GDF1: variants seen among roughly 807,000 people sequenced by gnomAD.
The protein encoded by GDF1 is growth differentiation factor 1, also known as embryonic growth/differentiation factor 1.
GDF1 carries 8 observed loss-of-function variants against 7.4 expected under a neutral mutation model. The observed-to-expected ratio is 1.09, with a 90% CI of 0.64 to 1.96. The LOEUF is 1.96. GDF1 is among the 30% of genes most tolerant of loss of function. The pLI is 0.00. For missense variants in GDF1, 574 were observed against 551.5 expected, an observed-to-expected ratio of 1.04 and a Z score of -0.41; for synonymous variants, 311 against 276.7, an observed-to-expected ratio of 1.12 and a Z score of -1.23.
rs1288122892 is a variant in GDF1, at chr19:18,868,783, C to T, written c.933G>A (p.Gly311=). The change falls in exon 8 of 8, where the codon GGG becomes GGA. Residue 311 remains glycine, a synonymous_variant. Transcript: ENST00000247005. ...GCACAGCGTGGTTGAGCGCCGGCGG[C>T]CCCCCGGACCCCGACAGCGCGACGG... ...ALPVALSGSG[G]PPALNHAVLR... 4 of 1,459,362 alleles carry T rather than the reference C, an allele frequency of 2.7e-6. No homozygotes were observed. The highest frequency in any genetic ancestry group is 1.5e-5 in the African/African-American group (1 of 66,744). The allele number at this position is 1,459,362 out of a possible 1,614,324, so 90.4% of individuals were successfully genotyped here.
At chr19:18,879,063 C>T in intron 5 of GDF1, 24 bp from the exon 6 acceptor site, 1 of 1,610,830 alleles carries the variant, frequency 6.2e-7, no homozygotes. Flanking sequence ...GGGGAGGTGC[C>T]AGTGAGAAGA....
intron 2 of GDF1, among the ~76,000 whole-genome samples, chr19:18,887,308 C>A (rs936470920): frequency 2.0e-5 from 3 of 152,158 alleles, no homozygotes; most frequent in African/African-American, 7.2e-5. Flanking sequence ...ACAGGCAAAT[C>A]TACAGAGATA....
rs1184289020 is a variant in GDF1 at position 18,880,447 on chromosome 19, G to A, written c.-732-12C>T. 1 of 1,574,536 alleles carries A rather than the reference G, an allele frequency of 6.4e-7. No homozygotes were observed. On this transcript the variant is annotated splice_polypyrimidine_tract_variant and intron_variant, in intron 3 of 7. Coordinates refer to ENST00000247005, the MANE Select transcript of GDF1 (RefSeq NM_001492.6). Reference sequence around the variant, plus strand: ...CCACATTGTGGTACCTGGGGGAGCAGCAGGCAGAGAGGAGAGGGCAGCTCA... The same window carrying A: ...CCACATTGTGGTACCTGGGGGAGCAACAGGCAGAGAGGAGAGGGCAGCTCA...
chr19:18,888,004 A>G (rs898021618), intron 2 of GDF1, among the ~76,000 whole-genome samples: 2 of 152,064 alleles, frequency 1.3e-5, no homozygotes, highest in African/African-American at 4.8e-5. Context: ...GGAATCACAT[A>G]GTATTTGTCT....
chr19:18,895,960 G>C lies in GDF1; in HGVS notation c.-1210C>G, dbSNP rs1169893067. The C allele has an allele frequency of 1.8e-6, 2 of 1,096,746 alleles. No individual in the cohort carries two copies. Among genetic ancestry groups the C allele is most frequent in the Admixed American group, 4.8e-5 (1 of 20,754 alleles). 67.9% of individuals were successfully genotyped at this position (1,096,746 alleles called of 1,614,324 possible). On this transcript the variant is annotated 5_prime_UTR_variant, in exon 1 of 8. Transcript: ENST00000247005. This position sits in a 1 kb window ranked among gnomAD's most constrained non-coding sequence, Gnocchi z 6.4. ...ACGCGCCAGCCCCCAGCCGCAGTCC[G>C]TGCAGCCCCGCGCCGCCGCCAGCGC...
chr19:18,879,822 C>T (rs970011310), intron 4 of GDF1, among the ~76,000 whole-genome samples: 1 of 150,480 alleles, frequency 6.6e-6, no homozygotes, highest in African/African-American at 2.5e-5. Context: ...CTCACCAAGC[C>T]CCCACCTCCT....
At chr19:18,891,118 T>C (rs1478533764) in intron 2 of GDF1, among the ~76,000 whole-genome samples, 1 of 147,978 alleles carries the variant, frequency 6.8e-6, no homozygotes, top group African/African-American at 2.5e-5. Flanking sequence ...AGTGAGACTG[T>C]CTCAAAAAAA....
At chr19:18,891,982 C>T (rs1226248054) in intron 2 of GDF1, among the ~76,000 whole-genome samples, 1 of 151,896 alleles carries the variant, frequency 6.6e-6, no homozygotes, top group Non-Finnish European at 1.5e-5. Context: ...CAACCTCCGC[C>T]TCCCGGGTTC....
At position 18,868,901 on chromosome 19, in the gene GDF1, A is replaced by T; in HGVS notation, c.815T>A (p.Leu272Gln). The T allele has an allele frequency of 7.2e-7, 1 of 1,396,908 alleles. No individual in the cohort carries two copies. The highest frequency in any genetic ancestry group is 9.4e-7 in the Non-Finnish European group (1 of 1,066,992). 86.5% of individuals were successfully genotyped at this position (1,396,908 alleles called of 1,614,324 possible). ...GCCCACCTCGCGGAAGCTCACGTACAGCCGCCGCGCGCGACAAGCGCCCCC... is the reference window on the plus strand; with the variant it reads ...GCCCACCTCGCGGAAGCTCACGTACTGCCGCCGCGCGCGACAAGCGCCCCC... ...GPGGACRARR[L>Q]YVSFREVGWH... The change falls in exon 8 of 8, where the codon CTG (leucine) becomes CAG (glutamine). Residue 272 changes from leucine to glutamine, a missense_variant. Coordinates refer to ENST00000247005, the MANE Select transcript of GDF1 (RefSeq NM_001492.6).
At position 18,869,366 on chromosome 19, in the gene GDF1, G is replaced by C. The variant is rs1439162400; in HGVS notation, c.350C>G (p.Pro117Arg). ...DRGAPTRASE[P>R]ASAAGHCPEW... is the part of the protein sequence containing the mutation. ...AGGGCAATGCCCCGCGGCCGAGGCA[G>C]GCTCCGAGGCCCGGGTGGGCGCACC... Residue 117 changes from proline to arginine, a missense_variant, in exon 8 of 8, where the codon CCT becomes CGT. By Grantham distance (103) the Pro-to-Arg change is moderately radical. Coordinates refer to ENST00000247005, the MANE Select transcript of GDF1 (RefSeq NM_001492.6). The C allele has an allele frequency of 5.2e-6, 8 of 1,530,576 alleles. No individual in the cohort carries two copies. The African/African-American group carries it at 8.3e-5, about 16-fold the overall frequency. 94.8% of individuals were successfully genotyped at this position (1,530,576 alleles called of 1,614,324 possible). A position where few individuals can be genotyped will look rare whatever the true frequency, so the allele number is the denominator to read the frequency against.
intron 2 of GDF1, among the ~76,000 whole-genome samples, chr19:18,887,376 TGG>T (rs892401538): frequency 6.6e-6 from 1 of 152,132 alleles, no homozygotes; most frequent in African/African-American, 2.4e-5. Context: ...TGACTGCTAA[TGG>T]GACGGGGTTT....
chr19:18,887,389 C>T (rs2056387319), intron 2 of GDF1, among the ~76,000 whole-genome samples: 1 of 152,046 alleles, frequency 6.6e-6, no homozygotes, highest in Admixed American at 6.6e-5. Flanking sequence ...GACGGGGTTT[C>T]CTTTTGTGGG....
intron 2 of GDF1, among the ~76,000 whole-genome samples, chr19:18,888,889 C>CTTTTT (rs756124590): frequency 2.4e-4 from 30 of 122,890 alleles, no homozygotes; most frequent in East Asian, 4.8e-4. Context: ...TTCTTTCTTT[C>CTTTTT]TTTTTTTTTT....
rs1406920059 is a variant in GDF1, at chr19:18,883,437, G to A, written c.-733+650C>T. The A allele has an allele frequency of 1.3e-5, 2 of 152,244 alleles. 1 individual carries two copies. The highest frequency in any genetic ancestry group is 4.1e-4 in the South Asian group (2 of 4,844). 9.4% of individuals were successfully genotyped at this position (152,244 alleles called of 1,614,324 possible). ...AATCCCCACACTTCGGGGAGCTGAGGTGGGAGGATCACTTGAGCCCAGGAG... is the reference window on the plus strand; with the variant it reads ...AATCCCCACACTTCGGGGAGCTGAGATGGGAGGATCACTTGAGCCCAGGAG... On this transcript the variant is annotated intron_variant, in intron 3 of 7. Transcript: ENST00000247005.
chr19:18,881,673 C>A (rs2056213626), intron 3 of GDF1: 1 of 152,396 alleles, frequency 6.6e-6, no homozygotes, highest in East Asian at 1.9e-4. Context: ...CCTGACAGCT[C>A]CTGGGCTCCT....
rs752273143 is a variant in GDF1 at position 18,879,392 on chromosome 19, C to A, written c.-570-4G>T. ...CCAGTAGAGGCGGAACCAGAACCTG[C>A]GGTGGGAGGAGTCAGGAGGCCGTGG... On this transcript the variant is annotated splice_region_variant and splice_polypyrimidine_tract_variant and intron_variant, in intron 4 of 7. Coordinates refer to ENST00000247005, the MANE Select transcript of GDF1 (RefSeq NM_001492.6). 11 of 1,558,410 alleles carry A rather than the reference C, an allele frequency of 7.1e-6. No individual in the cohort carries two copies. Among genetic ancestry groups the A allele is most frequent in the Non-Finnish European group, 8.7e-6 (10 of 1,151,324 alleles).
At position 18,870,762 on chromosome 19, in the gene GDF1, C is replaced by CGCCTTCACCCTGCCCCTCCTT. The variant is rs1284472854; in HGVS notation, c.-312-164_-312-144dup. Reference sequence around the variant, plus strand: ...GGGCCTCGCCTTGTGGCTTCCTCCTCGCCTTCACCCTGCCCCTCCTTGCCT... The same window carrying CGCCTTCACCCTGCCCCTCCTT: ...GGGCCTCGCCTTGTGGCTTCCTCCTCGCCTTCACCCTGCCCCTCCTTGCCTTCACCCTGCCCCTCCTTGCCT... On this transcript the variant is annotated intron_variant, in intron 6 of 7. Coordinates refer to ENST00000247005, the MANE Select transcript of GDF1 (RefSeq NM_001492.6). The surrounding 1 kb of genome is among the most constrained non-coding windows in gnomAD (Gnocchi z 5.1). 8.0e-5 allele frequency: 35 copies of CGCCTTCACCCTGCCCCTCCTT among 440,018 alleles called. No individual in the cohort carries two copies. The highest frequency in any genetic ancestry group is 6.7e-4 in the East Asian group (19 of 28,238). The allele number at this position is 440,018 out of a possible 1,614,324, so 27.3% of individuals were successfully genotyped here. A position where few individuals can be genotyped will look rare whatever the true frequency, so the allele number is the denominator to read the frequency against.
At position 18,869,082 on chromosome 19, in the gene GDF1, T is replaced by C. The variant is rs890473382; in HGVS notation, c.634A>G (p.Ser212Gly). The part of the protein sequence containing the change: ...AWARNASWPR[S>G]LRLALALRPR... ...CGTAGCGCCAGCGCCAGGCGGAGGC[T>C]GCGCGGCCATGAGGCGTTGCGAGCC... The change falls in exon 8 of 8, where the codon AGC (serine) becomes GGC (glycine). Residue 212 changes from serine to glycine, a missense_variant. Coordinates refer to ENST00000247005, the MANE Select transcript of GDF1 (RefSeq NM_001492.6). The C allele has an allele frequency of 1.7e-5, 18 of 1,063,120 alleles. No individual in the cohort carries two copies. The highest frequency in any genetic ancestry group is 1.9e-5 in the Non-Finnish European group (17 of 880,474). 65.9% of individuals were successfully genotyped at this position (1,063,120 alleles called of 1,614,324 possible). A position where few individuals can be genotyped will look rare whatever the true frequency, so the allele number is the denominator to read the frequency against.
chr19:18,879,117 C>A (rs2056127130), intron 5 of GDF1, 78 bp from the exon 6 acceptor site: 1 of 1,585,600 alleles, frequency 6.3e-7, no homozygotes, highest in African/African-American at 1.3e-5. Context: ...GTGCTCCTGT[C>A]CCGGGCCCTC....
Sources: gnomAD v4.1 joint callset for allele counts (sites outside exome capture counted in the v4.1 genomes callset) on GRCh38, gnomAD v4.1.1 for gene constraint, Gnocchi (gnomAD v3.1) non-coding constraint, MANE v1.5 for transcripts, NCBI Gene and HGNC (gene_info 2026-07-23, HGNC 2026-07-21) for gene names.